PARVG: variants seen among roughly 807,000 people sequenced by gnomAD.
PARVG encodes parvin gamma.
A neutral mutation model predicts 44.4 loss-of-function variants in PARVG; 36 were observed. The observed-to-expected ratio is 0.81, with a 90% CI of 0.62 to 1.07. The LOEUF is 1.07. Ranked by LOEUF, PARVG falls within the 50% of genes least tolerant of loss-of-function variation. The pLI is 0.00. For synonymous variants in PARVG, 170 were observed against 174.1 expected (o/e 0.98, Z 0.19); for missense variants, 407 against 407.4 (o/e 1.00, Z 0.01).
intron 7 of PARVG, among the ~76,000 whole-genome samples, 169 bp from the exon 8 acceptor site, chr22:44,191,879 TG>T (rs2054553189): frequency 6.6e-6 from 1 of 152,150 alleles, no homozygotes; most frequent in African/African-American, 2.4e-5. Context: ...GGGGATGCCT[TG>T]GGGAGTGAGG....
At chr22:44,188,309 C>T (rs1362013667) in intron 5 of PARVG, 2 of 199,866 alleles carry the variant, frequency 1.0e-5, no homozygotes, top group East Asian at 2.4e-4. Flanking sequence ...TGGAAAGCTC[C>T]AAGGGGCTTT....
At chr22:44,192,695 C>T (rs994734791) in intron 8 of PARVG, among the ~76,000 whole-genome samples, 1 of 151,822 alleles carries the variant, frequency 6.6e-6, no homozygotes, top group Admixed American at 6.6e-5. Flanking sequence ...ATCCTGCTCC[C>T]TGCCCACTGG....
Position 44,182,409 on chromosome 22 carries a change from C to G in PARVG, c.-13+492C>G, listed in dbSNP as rs950468128. On this transcript the variant is annotated intron_variant, in intron 2 of 13. Coordinates refer to ENST00000444313, the MANE Select transcript of PARVG (RefSeq NM_022141.7). This position sits in a 1 kb window ranked among gnomAD's most constrained non-coding sequence, Gnocchi z 4.6. ...GGCCCTCAGCTTGGATATTAAGGGG[C>G]TGGGAGTCAGTTGTGTCCCCACCAC... 2.0e-5 allele frequency among the ~76,000 whole-genome samples: 3 copies of G among 152,146 alleles called. No homozygotes were observed. Among genetic ancestry groups the G allele is most frequent in the African/African-American group, 7.2e-5 (3 of 41,438 alleles).
chr22:44,206,712 A>G lies in PARVG; in HGVS notation c.*286A>G. The G allele has an allele frequency of 2.4e-6, 1 of 418,502 alleles. No homozygotes were observed. Among genetic ancestry groups the G allele is most frequent in the Admixed American group, 3.8e-5 (1 of 26,368 alleles). The allele number at this position is 418,502 out of a possible 1,614,324, so 25.9% of individuals were successfully genotyped here. A position where few individuals can be genotyped will look rare whatever the true frequency, so the allele number is the denominator to read the frequency against. On this transcript the variant is annotated 3_prime_UTR_variant, in exon 14 of 14. Transcript: ENST00000444313. ...CCCTTAAACCTGCAGCCTCCCTCCC[A>G]TGGGGTGAGTGTGTGTCACATCAGT...
intron 5 of PARVG, chr22:44,188,177 G>T (rs1424367837): frequency 4.6e-6 from 2 of 430,702 alleles, no homozygotes; most frequent in Non-Finnish European, 8.6e-6. Context: ...GAGGTGCTGG[G>T]AGGTAACAAA....
chr22:44,179,343 C>T (rs144686204), upstream of PARVG, among the ~76,000 whole-genome samples: 5 of 152,352 alleles, frequency 3.3e-5, no homozygotes, highest in Admixed American at 2.0e-4. This position sits in a 1 kb window ranked among gnomAD's most constrained non-coding sequence, Gnocchi z 4.2. Flanking sequence ...CTGATTCTTA[C>T]ATCAGCCCTG....
chr22:44,190,830 C>CTG (rs1158214675), intron 7 of PARVG, among the ~76,000 whole-genome samples, 164 bp downstream of exon 7: 1 of 152,184 alleles, frequency 6.6e-6, no homozygotes, highest in Non-Finnish European at 1.5e-5. Context: ...GGGGTGCTGT[C>CTG]TGGAGCTGGG....
chr22:44,187,830 A>G lies in PARVG; in HGVS notation c.199A>G (p.Ser67Gly), dbSNP rs2054494851. The change falls in exon 5 of 14, where the codon AGC becomes GGC. Residue 67 changes from serine (S) to glycine (G), a missense_variant. Ser to Gly is a moderately conservative substitution (Grantham distance 56). Transcript: ENST00000444313. ...TCTCCCCGAGCACATTGTGGTCCGC[A>G]GCCTGGAGGAGGACATGTTCGACGG... is the stretch of plus-strand genomic sequence containing the variant. ...TLLPEHIVVR[S>G]LEEDMFDGLI... is the part of the protein sequence containing the mutation. 2 of 1,614,138 alleles carry G rather than the reference A, an allele frequency of 1.2e-6. No homozygotes were observed. Among genetic ancestry groups the G allele is most frequent in the Admixed American group, 3.3e-5 (2 of 60,012 alleles).
intron 13 of PARVG, 40 bp downstream of exon 13, chr22:44,205,869 G>A (rs374581046): frequency 2.7e-4 from 439 of 1,602,984 alleles, no homozygotes; most frequent in Non-Finnish European, 3.4e-4. Context: ...GCCAGCCCTG[G>A]GTGGCAGCCT....
At position 44,206,495 on chromosome 22, in the gene PARVG, C is replaced by T; in HGVS notation, c.*69C>T. On this transcript the variant is annotated 3_prime_UTR_variant, in exon 14 of 14. Transcript: ENST00000444313. The stretch of plus-strand genomic sequence containing the variant: ...TGGAGGGCCCGAGGCTGCAGGGTGT[C>T]CTCCCACAGTCCCGCTGTTTCCTGT... 3 of 1,369,816 alleles carry T rather than the reference C, an allele frequency of 2.2e-6. No individual in the cohort carries two copies. Among genetic ancestry groups the T allele is most frequent in the Non-Finnish European group, 3.1e-6 (3 of 960,042 alleles). The allele number at this position is 1,369,816 out of a possible 1,614,324, so 84.9% of individuals were successfully genotyped here. A position where few individuals can be genotyped will look rare whatever the true frequency, so the allele number is the denominator to read the frequency against.
In PARVG at chr22:44,181,722, C is replaced by G. The variant is rs960958632; in HGVS notation, c.-188-20C>G. ...CAGCTTCACTTTCACGGCATCCACC[C>G]CCCTCGGGCCCTGCCGCAGAGAGGA... is the stretch of plus-strand genomic sequence containing the variant. On this transcript the variant is annotated intron_variant, in intron 1 of 13. Transcript: ENST00000444313. 5 of 985,410 alleles carry G rather than the reference C, an allele frequency of 5.1e-6. No homozygotes were observed. The African/African-American group carries it at 8.7e-5, about 17-fold the overall frequency. 61.0% of individuals were successfully genotyped at this position (985,410 alleles called of 1,614,324 possible).
At position 44,193,813 on chromosome 22, in the gene PARVG, C is replaced by A; in HGVS notation, c.573C>A (p.Asp191Glu). The A allele has an allele frequency of 6.2e-7, 1 of 1,614,036 alleles. No individual in the cohort carries two copies. The highest frequency in any genetic ancestry group is 8.5e-7 in the Non-Finnish European group (1 of 1,179,992). The change falls in exon 9 of 14, where the codon GAC (aspartate) becomes GAA (glutamate). Residue 191 changes from aspartate (D) to glutamate (E), a missense_variant. Asp to Glu is a conservative substitution (Grantham distance 45). Transcript: ENST00000444313. ...ACCCACTGCACAGCACAGACAAGGACGAGCCTCCAAGTGAGTACTTTCATC... is the reference window on the plus strand; with the variant it reads ...ACCCACTGCACAGCACAGACAAGGAAGAGCCTCCAAGTGAGTACTTTCATC... ...EQLTEYSTDK[D>E]EPPKDVFDEL...
chr22:44,192,523 T>TG (rs1474101654), intron 8 of PARVG, among the ~76,000 whole-genome samples: 1 of 151,718 alleles, frequency 6.6e-6, no homozygotes, highest in Non-Finnish European at 1.5e-5. Context: ...CCGCCCACTT[T>TG]GGGGGTGTGG....
In PARVG at chr22:44,182,075, C is replaced by T. The variant is rs929122547; in HGVS notation, c.-13+158C>T. Among the ~76,000 whole-genome samples, 6 of 152,282 alleles carry T rather than the reference C, an allele frequency of 3.9e-5. No individual in the cohort carries two copies. The highest frequency in any genetic ancestry group is 1.4e-4 in the African/African-American group (6 of 41,562). ...GGACCTTGAGTCCCCACGGCCCCTC[C>T]GGCTGCCCCTGCTCAGAGGCTGCTC... On this transcript the variant is annotated intron_variant, in intron 2 of 13. Transcript: ENST00000444313. The surrounding 1 kb of genome is among the most constrained non-coding windows in gnomAD (Gnocchi z 4.6).
intron 12 of PARVG, among the ~76,000 whole-genome samples, chr22:44,202,075 T>C (rs1405339551): frequency 6.6e-6 from 1 of 152,242 alleles, no homozygotes; most frequent in Non-Finnish European, 1.5e-5. Context: ...TAGCAAATCC[T>C]CATGTTGGGT....
intron 8 of PARVG, 53 bp downstream of exon 8, chr22:44,192,157 G>C: frequency 6.3e-7 from 1 of 1,588,356 alleles, no homozygotes; most frequent in Non-Finnish European, 8.6e-7. Flanking sequence ...AGCGGTGGAT[G>C]GGGGCAGGGT....
intron 9 of PARVG, among the ~76,000 whole-genome samples, chr22:44,194,960 T>C (rs1225827781): frequency 2.6e-5 from 4 of 152,188 alleles, no homozygotes; most frequent in Admixed American, 2.6e-4. Context: ...TATTCACCCA[T>C]ATCCATCCAT....
At position 44,206,529 on chromosome 22, in the gene PARVG, G is replaced by T; in HGVS notation, c.*103G>T. The T allele has an allele frequency of 1.0e-6, 1 of 990,244 alleles. No homozygotes were observed. The highest frequency in any genetic ancestry group is 2.5e-5 in the East Asian group (1 of 39,898). The allele number at this position is 990,244 out of a possible 1,614,324, so 61.3% of individuals were successfully genotyped here. On this transcript the variant is annotated 3_prime_UTR_variant, in exon 14 of 14. Transcript: ENST00000444313. Reference sequence around the variant, plus strand: ...GTCCCGCTGTTTCCTGTGCATTCGTGACCCGCTTCCCTCCCACCCTGTCTC... The same window carrying T: ...GTCCCGCTGTTTCCTGTGCATTCGTTACCCGCTTCCCTCCCACCCTGTCTC...
chr22:44,174,341 T>A (rs937698814), intron 1 of PARVG, among the ~76,000 whole-genome samples: 1 of 152,130 alleles, frequency 6.6e-6, no homozygotes, highest in African/African-American at 2.4e-5. Flanking sequence ...GAACAGGACC[T>A]GAGTGCTTCA....
Sources: gnomAD v4.1 joint callset for allele counts (sites outside exome capture counted in the v4.1 genomes callset) on GRCh38, gnomAD v4.1.1 for gene constraint, Gnocchi (gnomAD v3.1) non-coding constraint, MANE v1.5 for transcripts, NCBI Gene and HGNC (gene_info 2026-07-23, HGNC 2026-07-21) for gene names.